Variants in CNTN5 observed in about 807,000 individuals in gnomAD.
CNTN5 encodes contactin-5.
In CNTN5, 77 loss-of-function variants were observed where a neutral mutation model predicts 129.1. The observed-to-expected ratio is 0.60, with a 90% CI of 0.50 to 0.72. The LOEUF (loss-of-function observed/expected upper bound fraction) is 0.72, where lower values mean the gene tolerates loss of function less well. Among genes scored for constraint, CNTN5 ranks in the 30% least tolerant of loss-of-function variants. The pLI is 0.00. For synonymous variants in CNTN5, 509 were observed against 465.6 expected (o/e 1.09, Z -1.20); for missense variants, 1,478 against 1,328.8 (o/e 1.11, Z -1.75).
intron 2 of CNTN5, among the ~76,000 whole-genome samples, chr11:99,512,806 TTC>T (rs1946890562): frequency 6.6e-6 from 1 of 152,086 alleles, no homozygotes; most frequent in Admixed American, 6.6e-5. Flanking sequence ...ATTACATCAT[TTC>T]TCTCTTCCTC....
intron 2 of CNTN5, among the ~76,000 whole-genome samples, chr11:99,382,875 T>TTTTA (rs1491151565): frequency 1.4e-5 from 2 of 142,464 alleles, no homozygotes; most frequent in African/African-American, 2.6e-5. Flanking sequence ...TTTTTTTTTT[T>TTTTA]AGACAGAGTC....
chr11:100,177,685 C>T (rs1343824210), intron 13 of CNTN5, among the ~76,000 whole-genome samples: 1 of 152,118 alleles, frequency 6.6e-6, no homozygotes, highest in Non-Finnish European at 1.5e-5. Flanking sequence ...AATTGTCTTT[C>T]CTTTTAAAAA....
At chr11:99,866,041 A>G (rs1565619654) in intron 6 of CNTN5, among the ~76,000 whole-genome samples, 1 of 152,214 alleles carries the variant, frequency 6.6e-6, no homozygotes, top group Non-Finnish European at 1.5e-5. Flanking sequence ...CAGTAATTTC[A>G]CACATTAACA....
intron 15 of CNTN5, among the ~76,000 whole-genome samples, chr11:100,194,419 A>G (rs1565332237): frequency 6.6e-6 from 1 of 152,100 alleles, no homozygotes; most frequent in East Asian, 1.9e-4. Context: ...TATTGGCTAA[A>G]GAGATGGAGC....
chr11:99,894,532 A>AAC (rs1326484392), intron 6 of CNTN5, among the ~76,000 whole-genome samples: 1 of 140,754 alleles, frequency 7.1e-6, no homozygotes, highest in African/African-American at 2.5e-5. Context: ...AAAAAAAACC[A>AAC]AAAAACAAAA....
intron 1 of CNTN5, among the ~76,000 whole-genome samples, chr11:99,028,403 T>C: frequency 6.6e-6 from 1 of 151,842 alleles, no homozygotes; most frequent in Non-Finnish European, 1.5e-5. Flanking sequence ...GTGAATATAA[T>C]TCAATGTGAA....
intron 2 of CNTN5, among the ~76,000 whole-genome samples, chr11:99,352,568 T>C (rs1013214985): frequency 6.6e-6 from 1 of 152,120 alleles, no homozygotes; most frequent in African/African-American, 2.4e-5. Flanking sequence ...ATTCCTAAAG[T>C]TGAAACAATA....
At chr11:99,220,023 A>T (rs376534626) in intron 1 of CNTN5, among the ~76,000 whole-genome samples, 3 of 151,998 alleles carry the variant, frequency 2.0e-5, no homozygotes, top group African/African-American at 7.2e-5. Context: ...GAAAATGGCA[A>T]TACATAGATC....
At chr11:100,178,782 A>G (rs1215756180) in intron 13 of CNTN5, among the ~76,000 whole-genome samples, 3 of 152,076 alleles carry the variant, frequency 2.0e-5, no homozygotes, top group Admixed American at 2.0e-4. Flanking sequence ...GGGATATTCT[A>G]TTTTTCTCTA....
intron 7 of CNTN5, among the ~76,000 whole-genome samples, chr11:99,924,901 G>C (rs1950026278): frequency 6.6e-6 from 1 of 152,162 alleles, no homozygotes; most frequent in Non-Finnish European, 1.5e-5. Context: ...GTAAGGGTGT[G>C]TAAATTTCTG....
intron 9 of CNTN5, among the ~76,000 whole-genome samples, chr11:100,027,420 C>A (rs1472003478): frequency 6.6e-6 from 1 of 152,118 alleles, no homozygotes; most frequent in Non-Finnish European, 1.5e-5. Context: ...AAGGTTAAGA[C>A]CTTTCTTAGT....
At chr11:99,500,302 T>G (rs1395535966) in intron 2 of CNTN5, among the ~76,000 whole-genome samples, 2 of 152,216 alleles carry the variant, frequency 1.3e-5, no homozygotes, top group African/African-American at 4.8e-5. Context: ...GATTAACCTC[T>G]CTTTTAAGGC....
At chr11:99,122,783 G>A (rs1057369764) in intron 1 of CNTN5, among the ~76,000 whole-genome samples, 1 of 152,022 alleles carries the variant, frequency 6.6e-6, no homozygotes. Flanking sequence ...ACCTATAAAT[G>A]AGAACATACA....
intron 3 of CNTN5, among the ~76,000 whole-genome samples, chr11:99,657,972 T>C (rs905080973): frequency 2.6e-5 from 4 of 152,266 alleles, no homozygotes; most frequent in East Asian, 3.9e-4. Context: ...TAAATGCAAT[T>C]ATATGCTTTT....
At chr11:99,136,364 A>T (rs925850499) in intron 1 of CNTN5, among the ~76,000 whole-genome samples, 1 of 152,114 alleles carries the variant, frequency 6.6e-6, no homozygotes, top group Non-Finnish European at 1.5e-5. Flanking sequence ...CTCTACATGA[A>T]TGTTCTCTTC....
chr11:99,692,435 G>A lies in CNTN5; in HGVS notation c.56-127109G>A, dbSNP rs1370752342. 7.2e-5 allele frequency among the ~76,000 whole-genome samples: 11 copies of A among 152,204 alleles called. No individual in the cohort carries two copies. The East Asian group carries it at 2.1e-3, about 29-fold the overall frequency. On this transcript the variant is annotated intron_variant, in intron 3 of 24. Coordinates refer to ENST00000524871, the MANE Select transcript of CNTN5 (RefSeq NM_014361.4). ...GAGCACTTGTAACACCGGTCTGGTG[G>A]TGACAGTTTCCCGCAGCATTTGTGA...
intron 2 of CNTN5, among the ~76,000 whole-genome samples, chr11:99,517,744 C>T (rs1947113009): frequency 1.3e-5 from 2 of 152,174 alleles, no homozygotes; most frequent in East Asian, 1.9e-4. Flanking sequence ...TTCTCTGTCC[C>T]CTCTTACAAG....
In CNTN5 at chr11:100,057,711, A is replaced by G. The variant is rs74944185; in HGVS notation, c.981-3501A>G. ...GGTCACCATAGCATCTTTGTGCCCA[A>G]ATCATATTAGAACCCAGGTTTCTCT... On this transcript the variant is annotated intron_variant, in intron 9 of 24. Transcript: ENST00000524871. Among the ~76,000 whole-genome samples, 1,142 of 152,102 alleles carry G rather than the reference A, an allele frequency of 7.5e-3. 8 individuals carry two copies. Among genetic ancestry groups the G allele is most frequent in the Admixed American group, 0.017 (261 of 15,276 alleles).
intron 2 of CNTN5, among the ~76,000 whole-genome samples, chr11:99,540,360 G>A (rs1948057771): frequency 6.6e-6 from 1 of 152,104 alleles, no homozygotes; most frequent in South Asian, 2.1e-4. Flanking sequence ...AATTAAATGT[G>A]ATCATTTATT....
Sources: gnomAD v4.1 joint callset for allele counts (sites outside exome capture counted in the v4.1 genomes callset) on GRCh38, gnomAD v4.1.1 for gene constraint, MANE v1.5 for transcripts, NCBI Gene and HGNC (gene_info 2026-07-23, HGNC 2026-07-21) for gene names.